ROBO2: variants seen among roughly 807,000 people sequenced by gnomAD.
ROBO2 encodes the protein roundabout guidance receptor 2, also known as roundabout homolog 2.
In ROBO2, 53 loss-of-function variants were observed where a neutral mutation model predicts 160.8. The ratio of observed to expected loss-of-function variants is 0.33; its 90% confidence interval spans 0.26 to 0.41. The LOEUF is 0.41. Ranked by LOEUF, ROBO2 falls within the 10% of genes least tolerant of loss-of-function variation. ROBO2 has a pLI of 1.00. For missense variants in ROBO2, 1,577 were observed against 1,722.4 expected, an observed-to-expected ratio of 0.92 and a Z score of 1.49; for synonymous variants, 664 against 611.7, an observed-to-expected ratio of 1.09 and a Z score of -1.26.
At chr3:77,393,286 C>T (rs946108638) in intron 2 of ROBO2, among the ~76,000 whole-genome samples, 3 of 152,020 alleles carry the variant, frequency 2.0e-5, no homozygotes, top group African/African-American at 2.4e-5. Flanking sequence ...TGAAAGGTTG[C>T]TTTTGAACAG....
intron 2 of ROBO2, among the ~76,000 whole-genome samples, chr3:76,636,845 CA>C (rs34260697): frequency 0.33 from 49,732 of 151,642 alleles, 9,235 homozygotes; most frequent in South Asian, 0.46. Context: ...GGCAGGGTGA[CA>C]ATAGGTGATT....
chr3:76,533,717 G>A (rs559355310), intron 2 of ROBO2, among the ~76,000 whole-genome samples: 5 of 152,214 alleles, frequency 3.3e-5, no homozygotes, highest in South Asian at 2.1e-4. Context: ...TATAGGGCTC[G>A]GGTAGGCAGT....
At chr3:76,222,562 C>T (rs976401220) in intron 2 of ROBO2, among the ~76,000 whole-genome samples, 5 of 151,694 alleles carry the variant, frequency 3.3e-5, no homozygotes, top group African/African-American at 1.2e-4. Flanking sequence ...CTTTCCCTGG[C>T]ACTGTCTGTG....
chr3:76,640,705 C>A (rs971286118), intron 2 of ROBO2, among the ~76,000 whole-genome samples: 3 of 151,644 alleles, frequency 2.0e-5, no homozygotes, highest in Admixed American at 2.0e-4. Flanking sequence ...ATACCCAGAT[C>A]TTGGTGTCTA....
intron 2 of ROBO2, among the ~76,000 whole-genome samples, chr3:76,936,491 G>A (rs181877115): frequency 3.3e-5 from 5 of 152,042 alleles, no homozygotes; most frequent in African/African-American, 1.2e-4. Context: ...ATGTAAGGGT[G>A]GACAGCGTTG....
At chr3:76,443,040 A>G (rs2077000814) in intron 2 of ROBO2, among the ~76,000 whole-genome samples, 1 of 151,720 alleles carries the variant, frequency 6.6e-6, no homozygotes, top group Admixed American at 6.6e-5. Context: ...ACCAACATCT[A>G]CTTCTGGTGA....
chr3:75,913,969 C>A (rs1349491892), intron 1 of ROBO2, among the ~76,000 whole-genome samples: 15 of 152,140 alleles, frequency 9.9e-5, no homozygotes, highest in Non-Finnish European at 2.9e-5. Flanking sequence ...CCTTTGAAAT[C>A]TTTCTGTAAC....
Position 77,532,543 on chromosome 3 carries a change from A to G in ROBO2, c.934+9641A>G, listed in dbSNP as rs189478390. 1.4e-3 allele frequency among the ~76,000 whole-genome samples: 210 copies of G among 151,838 alleles called. 2 individuals are homozygous for G. Among genetic ancestry groups the G allele is most frequent in the African/African-American group, 4.7e-3 (193 of 41,486 alleles). The stretch of plus-strand genomic sequence containing the variant: ...TTTTACTTTCTCATTTCTTCAAATT[A>G]TATTTCTTCTTAGTTATATTGGCTT... On this transcript the variant is annotated intron_variant, in intron 6 of 25. Coordinates refer to ENST00000461745, the Ensembl canonical transcript of ROBO2.
intron 2 of ROBO2, among the ~76,000 whole-genome samples, chr3:76,515,828 C>G (rs2107807099): frequency 6.6e-6 from 1 of 152,258 alleles, no homozygotes; most frequent in East Asian, 1.9e-4. Context: ...GTCCAACTGT[C>G]ACTTATAGAA....
chr3:77,499,711 C>T (rs546823529), intron 5 of ROBO2, among the ~76,000 whole-genome samples: 6 of 148,534 alleles, frequency 4.0e-5, no homozygotes, highest in South Asian at 2.1e-4. Context: ...TGCAGTGGCA[C>T]GATCCCGCCT....
intron 2 of ROBO2, among the ~76,000 whole-genome samples, chr3:76,053,896 A>T (rs1002715755): frequency 4.6e-5 from 7 of 152,114 alleles, no homozygotes; most frequent in African/African-American, 1.7e-4. Flanking sequence ...AGCTTTTTAT[A>T]GTTTAATAAA....
At chr3:76,830,173 C>A (rs73123370) in intron 2 of ROBO2, among the ~76,000 whole-genome samples, 43 of 152,118 alleles carry the variant, frequency 2.8e-4, no homozygotes, top group South Asian at 6.2e-4. Flanking sequence ...ACTGTCCCCC[C>A]CTCCATGCAT....
intron 2 of ROBO2, among the ~76,000 whole-genome samples, chr3:76,872,628 G>C (rs1036686423): frequency 2.0e-5 from 3 of 152,002 alleles, no homozygotes; most frequent in Non-Finnish European, 2.9e-5. Flanking sequence ...GCCACAAACT[G>C]TGTAAGCTTT....
chr3:76,566,274 C>G (rs2084514789), intron 2 of ROBO2, among the ~76,000 whole-genome samples: 1 of 152,110 alleles, frequency 6.6e-6, no homozygotes, highest in Non-Finnish European at 1.5e-5. Context: ...AATGTTGAAG[C>G]TGAATAAACA....
At chr3:76,122,055 T>C (rs1238081732) in intron 2 of ROBO2, among the ~76,000 whole-genome samples, 1 of 152,218 alleles carries the variant, frequency 6.6e-6, no homozygotes, top group Non-Finnish European at 1.5e-5. Flanking sequence ...AAGCCTGCAT[T>C]ACATGCAAAA....
chr3:76,276,686 GA>G (rs1243631589), intron 2 of ROBO2, among the ~76,000 whole-genome samples: 3 of 152,010 alleles, frequency 2.0e-5, no homozygotes, highest in Non-Finnish European at 4.4e-5. Context: ...GCTTACCAAT[GA>G]GATTTAAAAT....
intron 2 of ROBO2, among the ~76,000 whole-genome samples, chr3:77,266,195 T>C (rs2059112381): frequency 6.6e-6 from 1 of 152,090 alleles, no homozygotes; most frequent in South Asian, 2.1e-4. Context: ...CTACTTTTTT[T>C]TTTTTTAATC....
intron 2 of ROBO2, among the ~76,000 whole-genome samples, chr3:77,281,596 C>T (rs896113489): frequency 9.2e-5 from 14 of 152,058 alleles, no homozygotes; most frequent in African/African-American, 3.4e-4. Context: ...TCCAGGACCT[C>T]CCATGGATGC....
intron 2 of ROBO2, among the ~76,000 whole-genome samples, chr3:76,120,779 A>G (rs1470283891): frequency 6.6e-6 from 1 of 152,172 alleles, no homozygotes; most frequent in Non-Finnish European, 1.5e-5. Flanking sequence ...TGAACCTCTC[A>G]AATTATCTTG....
Sources: gnomAD v4.1 joint callset for allele counts (sites outside exome capture counted in the v4.1 genomes callset) on GRCh38, gnomAD v4.1.1 for gene constraint, MANE v1.5 for transcripts, NCBI Gene and HGNC (gene_info 2026-07-23, HGNC 2026-07-21) for gene names.